The following DSCAM variants were observed in gnomAD, a reference collection of about 807,000 sequenced individuals.
DSCAM encodes the protein DS cell adhesion molecule, also known as cell adhesion molecule DSCAM.
In DSCAM, 47 loss-of-function variants were observed where a neutral mutation model predicts 217.7. The observed-to-expected ratio is 0.22, with a 90% CI of 0.17 to 0.28. DSCAM has a LOEUF of 0.28. DSCAM is among the 10% of genes least tolerant of loss of function. The probability of loss-of-function intolerance (pLI) is 1.00; values close to 1 mark genes in which losing one functional copy is unlikely to be tolerated. For synonymous variants in DSCAM, 1,056 were observed against 1,015.3 expected, an observed-to-expected ratio of 1.04 and a Z score of -0.76; for missense variants, 2,080 against 2,618.3, an observed-to-expected ratio of 0.79 and a Z score of 4.49.
intron 30 of DSCAM, among the ~76,000 whole-genome samples, chr21:40,046,430 T>TC (rs397688326): frequency 1.4e-4 from 21 of 151,988 alleles, no homozygotes; most frequent in Middle Eastern, 3.4e-3. Flanking sequence ...AGATTTTTTT[T>TC]GTCCTTGATG....
intron 32 of DSCAM, 94 bp downstream of exon 32, chr21:40,042,277 C>A: frequency 7.1e-7 from 1 of 1,400,570 alleles, no homozygotes; most frequent in Admixed American, 2.0e-5. Context: ...CCCATTTGGT[C>A]TGAACACTGA....
intron 3 of DSCAM, among the ~76,000 whole-genome samples, chr21:40,456,406 C>G (rs2075763843): frequency 6.6e-6 from 1 of 151,816 alleles, no homozygotes; most frequent in African/African-American, 2.4e-5. Context: ...ATGAAATTCT[C>G]AAGAAAACAA....
intron 20 of DSCAM, among the ~76,000 whole-genome samples, chr21:40,100,702 C>T (rs1035988902): frequency 6.7e-6 from 1 of 150,080 alleles, no homozygotes; most frequent in Admixed American, 6.6e-5. Flanking sequence ...ATAAACACTG[C>T]GGTATAAAGA....
chr21:40,579,189 G>C (rs997404013), intron 3 of DSCAM, among the ~76,000 whole-genome samples: 2 of 151,770 alleles, frequency 1.3e-5, no homozygotes, highest in African/African-American at 4.8e-5. Flanking sequence ...TGTTTTTTTG[G>C]ATCATCTGAA....
intron 1 of DSCAM, among the ~76,000 whole-genome samples, chr21:40,767,365 G>A (rs993158718): frequency 1.1e-4 from 16 of 152,048 alleles, no homozygotes; most frequent in African/African-American, 3.6e-4. Context: ...CAGTAACTTC[G>A]GGCCCACATC....
chr21:40,519,476 C>T (rs1052658512), intron 3 of DSCAM, among the ~76,000 whole-genome samples: 3 of 152,214 alleles, frequency 2.0e-5, no homozygotes. Flanking sequence ...TAAAAGACAC[C>T]TGAGAGAGAC....
At chr21:40,202,836 T>G (rs1244049527) in intron 11 of DSCAM, among the ~76,000 whole-genome samples, 1 of 152,254 alleles carries the variant, frequency 6.6e-6, no homozygotes, top group Non-Finnish European at 1.5e-5. Context: ...TTGCATGTGA[T>G]GCCCATATGG....
chr21:40,599,953 GGCA>G (rs1386520407), intron 3 of DSCAM, among the ~76,000 whole-genome samples: 1 of 152,132 alleles, frequency 6.6e-6, no homozygotes, highest in Admixed American at 6.5e-5. Context: ...CTGAAATTGA[GGCA>G]GTCATTAATA....
At chr21:40,673,279 A>T (rs938220395) in intron 3 of DSCAM, among the ~76,000 whole-genome samples, 2 of 67,446 alleles carry the variant, frequency 3.0e-5, no homozygotes, top group Non-Finnish European at 7.3e-5. Flanking sequence ...TAGTAAAGAT[A>T]AAAATGATGC....
rs2090866975 is a variant in DSCAM at position 40,718,467 on chromosome 21, G to A, written c.44-9696C>T. 3.9e-5 allele frequency among the ~76,000 whole-genome samples: 6 copies of A among 152,238 alleles called. No homozygotes were observed. The South Asian group carries it at 1.2e-3, about 32-fold the overall frequency. On this transcript the variant is annotated intron_variant, in intron 1 of 32. Transcript: ENST00000400454. Reference sequence around the variant, plus strand: ...ACAAAATCCTGGTGGAAGGCAAGGAGGAGCAAGTCACGTCTTACATGGTTG... The same window carrying A: ...ACAAAATCCTGGTGGAAGGCAAGGAAGAGCAAGTCACGTCTTACATGGTTG...
intron 3 of DSCAM, among the ~76,000 whole-genome samples, chr21:40,580,325 G>T (rs538728007): frequency 6.6e-6 from 1 of 152,200 alleles, no homozygotes; most frequent in Non-Finnish European, 1.5e-5. Context: ...CTGAGGTCAT[G>T]AGTTGAAGAC....
intron 16 of DSCAM, among the ~76,000 whole-genome samples, chr21:40,164,868 T>C (rs1019256072): frequency 6.6e-5 from 10 of 152,146 alleles, no homozygotes; most frequent in African/African-American, 2.4e-4. Flanking sequence ...ATAGAGGGTG[T>C]CATTACAGAA....
intron 21 of DSCAM, 46 bp from the exon 22 acceptor site, chr21:40,087,333 T>C: frequency 6.8e-7 from 1 of 1,480,674 alleles, no homozygotes; most frequent in Non-Finnish European, 9.4e-7. Context: ...CACAGACGTG[T>C]CTACACAGAG....
intron 1 of DSCAM, among the ~76,000 whole-genome samples, chr21:40,828,627 C>A (rs75556367): frequency 0.024 from 3,690 of 151,356 alleles, 150 homozygotes; most frequent in African/African-American, 0.085. Context: ...CAATCACATC[C>A]TCCCTCAGGA....
At chr21:40,672,858 C>T (rs992090135) in intron 3 of DSCAM, among the ~76,000 whole-genome samples, 36 of 152,282 alleles carry the variant, frequency 2.4e-4, no homozygotes, top group Admixed American at 1.5e-3. Context: ...TCACATCTGT[C>T]CTTTTTTTCT....
chr21:40,823,431 CA>C (rs1283684772), intron 1 of DSCAM, among the ~76,000 whole-genome samples: 1 of 152,058 alleles, frequency 6.6e-6, no homozygotes, highest in Non-Finnish European at 1.5e-5. Context: ...TTAAGGCTTT[CA>C]AAACTCACAA....
At chr21:40,019,773 C>A (rs576136938) in intron 32 of DSCAM, among the ~76,000 whole-genome samples, 2 of 152,304 alleles carry the variant, frequency 1.3e-5, no homozygotes, top group South Asian at 4.1e-4. Flanking sequence ...TAAACACTGG[C>A]AAAGGCAAAT....
At chr21:40,688,803 C>A (rs1457393805) in intron 3 of DSCAM, among the ~76,000 whole-genome samples, 3 of 152,240 alleles carry the variant, frequency 2.0e-5, no homozygotes, top group East Asian at 1.9e-4. Context: ...TATTATGAAT[C>A]TTTCCTCCAT....
chr21:40,775,130 A>G (rs993798516), intron 1 of DSCAM, among the ~76,000 whole-genome samples: 2 of 152,150 alleles, frequency 1.3e-5, no homozygotes, highest in Non-Finnish European at 2.9e-5. Context: ...CCTAAAGACC[A>G]AAAATCTCAA....
Sources: gnomAD v4.1 joint callset for allele counts (sites outside exome capture counted in the v4.1 genomes callset) on GRCh38, gnomAD v4.1.1 for gene constraint, MANE v1.5 for transcripts, NCBI Gene and HGNC (gene_info 2026-07-23, HGNC 2026-07-21) for gene names.